NTRK3: variants seen among roughly 807,000 people sequenced by gnomAD.
The protein encoded by NTRK3 is neurotrophic receptor tyrosine kinase 3.
In NTRK3, 24 loss-of-function variants were observed where a neutral mutation model predicts 91.7. The ratio of observed to expected loss-of-function variants is 0.26; its 90% CI spans 0.19 to 0.37. The LOEUF is 0.37. Ranked by LOEUF, NTRK3 falls within the 10% of genes least tolerant of loss-of-function variation. NTRK3 has a pLI of 1.00. For missense variants in NTRK3, 880 were observed against 1,068.9 expected (o/e 0.82, Z 2.46); for synonymous variants, 483 against 404.0 (o/e 1.20, Z -2.34).
intron 3 of NTRK3, among the ~76,000 whole-genome samples, chr15:88,247,636 C>T (rs2052966257): frequency 6.6e-6 from 1 of 152,156 alleles, no homozygotes; most frequent in African/African-American, 2.4e-5. Flanking sequence ...TGGAGAGTTC[C>T]ATGACCTCAG....
chr15:88,013,676 C>A (rs1486627415), intron 14 of NTRK3, among the ~76,000 whole-genome samples: 1 of 152,204 alleles, frequency 6.6e-6, no homozygotes, highest in Non-Finnish European at 1.5e-5. Context: ...GTGCAGACAA[C>A]ATTTCAGATC....
chr15:88,106,310 C>T (rs1353907702), intron 13 of NTRK3, among the ~76,000 whole-genome samples: 1 of 152,226 alleles, frequency 6.6e-6, no homozygotes, highest in Non-Finnish European at 1.5e-5. Flanking sequence ...GGGAGCTTTA[C>T]TGGGCCAAGG....
At chr15:87,883,781 A>T (rs947941097) in intron 17 of NTRK3, among the ~76,000 whole-genome samples, 1 of 151,416 alleles carries the variant, frequency 6.6e-6, no homozygotes, top group Admixed American at 6.6e-5. Flanking sequence ...ATAATTTTTT[A>T]AAAGTTGTCT....
At chr15:87,970,204 C>A (rs1292356788) in intron 14 of NTRK3, among the ~76,000 whole-genome samples, 1 of 152,158 alleles carries the variant, frequency 6.6e-6, no homozygotes, top group Non-Finnish European at 1.5e-5. Context: ...TGTATGCTAC[C>A]ACTAGATGAT....
intron 14 of NTRK3, among the ~76,000 whole-genome samples, chr15:87,957,164 A>G (rs1413110611): frequency 8.4e-6 from 1 of 119,410 alleles, no homozygotes; most frequent in Non-Finnish European, 1.7e-5. Flanking sequence ...CCTTAGCTGT[A>G]AAATGGTATA....
At chr15:87,939,728 C>T (rs2069632187) in intron 15 of NTRK3, among the ~76,000 whole-genome samples, 1 of 152,176 alleles carries the variant, frequency 6.6e-6, no homozygotes, top group African/African-American at 2.4e-5. Context: ...CCTCAGAAGC[C>T]TGCTCACTGC....
At chr15:88,035,076 G>C (rs2078951238) in intron 13 of NTRK3, among the ~76,000 whole-genome samples, 2 of 152,286 alleles carry the variant, frequency 1.3e-5, no homozygotes, top group South Asian at 2.1e-4. Flanking sequence ...GAGAAAATAA[G>C]ATAGTTCAAT....
intron 18 of NTRK3, among the ~76,000 whole-genome samples, chr15:87,878,323 A>G (rs2065045761): frequency 6.6e-6 from 1 of 152,202 alleles, no homozygotes; most frequent in African/African-American, 2.4e-5. Flanking sequence ...ACACTGCTCA[A>G]CAGTGCCTTG....
intron 13 of NTRK3, among the ~76,000 whole-genome samples, chr15:88,085,280 A>C (rs2048396283): frequency 6.6e-6 from 1 of 152,206 alleles, no homozygotes; most frequent in South Asian, 2.1e-4. Context: ...ATGATTGTTC[A>C]ACTCATATTC....
chr15:88,173,453 T>A (rs1279419514), intron 5 of NTRK3, among the ~76,000 whole-genome samples: 1 of 152,228 alleles, frequency 6.6e-6, no homozygotes, highest in Admixed American at 6.5e-5. Flanking sequence ...CTGCCACTCC[T>A]GCATCGACAT....
chr15:87,965,115 G>A (rs746232872), intron 14 of NTRK3, among the ~76,000 whole-genome samples: 25 of 152,238 alleles, frequency 1.6e-4, no homozygotes, highest in Admixed American at 6.5e-5. Flanking sequence ...CACGTGGAAT[G>A]ATTTGATTCT....
intron 1 of NTRK3, 31 bp downstream of exon 1, chr15:88,256,611 AAC>A: frequency 2.1e-6 from 1 of 472,034 alleles, no homozygotes; most frequent in Non-Finnish European, 3.6e-6. Context: ...GCACCTGCAA[AAC>A]ACACACACTC....
exon 10 of NTRK3, chr15:88,135,102 T>C: frequency 6.2e-7 from 1 of 1,614,222 alleles, no homozygotes; most frequent in Non-Finnish European, 8.5e-7. Context: ...TGCCCTCACC[T>C]GGAAAGGGCT....
At chr15:88,054,465 T>A (rs2045512246) in intron 13 of NTRK3, among the ~76,000 whole-genome samples, 1 of 152,186 alleles carries the variant, frequency 6.6e-6, no homozygotes, top group South Asian at 2.1e-4. Context: ...CCCTACCAGA[T>A]GAGATGCAGG....
At chr15:88,058,028 G>C (rs979390398) in intron 13 of NTRK3, among the ~76,000 whole-genome samples, 1 of 152,198 alleles carries the variant, frequency 6.6e-6, no homozygotes, top group Non-Finnish European at 1.5e-5. Context: ...GAAGCCACGG[G>C]GTGACAAAGC....
At chr15:88,116,674 C>T (rs559580587) in intron 13 of NTRK3, among the ~76,000 whole-genome samples, 1 of 152,154 alleles carries the variant, frequency 6.6e-6, no homozygotes, top group Non-Finnish European at 1.5e-5. Flanking sequence ...AATGTTGACT[C>T]GCAGCCTTCC....
intron 3 of NTRK3, among the ~76,000 whole-genome samples, chr15:88,212,993 G>A (rs977624179): frequency 2.6e-5 from 4 of 152,226 alleles, no homozygotes; most frequent in Admixed American, 1.3e-4. Flanking sequence ...GGGTCCCATC[G>A]CCTGGGCACC....
chr15:88,233,250 A>T lies in NTRK3; in HGVS notation c.248+22656T>A, dbSNP rs1275202035. On this transcript the variant is annotated intron_variant, in intron 3 of 18. Coordinates refer to ENST00000394480, the Ensembl canonical transcript of NTRK3. The surrounding 1 kb of genome is among the most constrained non-coding windows in gnomAD (Gnocchi z 4.2). ...AAATAACCCCCCCGCCCCCAGTGTA[A>T]TCTCTCAGTATCCAGGACTTCATTT... Among the ~76,000 whole-genome samples the T allele has an allele frequency of 1.3e-5, 2 of 152,124 alleles. No individual in the cohort carries two copies. Among genetic ancestry groups the T allele is most frequent in the Non-Finnish European group, 2.9e-5 (2 of 68,008 alleles).
At chr15:88,032,903 G>A (rs1369451700) in exon 14 of NTRK3, 13 of 1,613,704 alleles carry the variant, frequency 8.1e-6, no homozygotes, top group African/African-American at 1.3e-5. Flanking sequence ...AGTACTGGGG[G>A]TTCTCAATGA....
Sources: gnomAD v4.1 joint callset for allele counts (sites outside exome capture counted in the v4.1 genomes callset) on GRCh38, gnomAD v4.1.1 for gene constraint, Gnocchi (gnomAD v3.1) non-coding constraint, MANE v1.5 for transcripts, NCBI Gene and HGNC (gene_info 2026-07-23, HGNC 2026-07-21) for gene names.